Variants in MED13L observed in about 807,000 individuals in gnomAD.
MED13L encodes mediator complex subunit 13L.
In MED13L, 7 loss-of-function variants were observed where a neutral mutation model predicts 220.9. The observed-to-expected ratio is 0.03, with a 90% CI of 0.02 to 0.06. The LOEUF is 0.06. Among genes scored for constraint, MED13L ranks in the 10% least tolerant of loss-of-function variants. The pLI is 1.00. For synonymous variants in MED13L, 1,011 were observed against 1,015.2 expected (o/e 1.00, Z 0.08); for missense variants, 1,965 against 2,760.5 (o/e 0.71, Z 6.46).
intron 4 of MED13L, among the ~76,000 whole-genome samples, chr12:116,092,868 G>C (rs1390739674): frequency 6.6e-6 from 1 of 152,086 alleles, no homozygotes; most frequent in East Asian, 1.9e-4. Context: ...CCCAAGAACA[G>C]AGTAGATTTG....
At chr12:116,190,341 T>G (rs991554295) in intron 2 of MED13L, among the ~76,000 whole-genome samples, 1 of 152,332 alleles carries the variant, frequency 6.6e-6, no homozygotes, top group East Asian at 1.9e-4. Context: ...TATGGATTAT[T>G]ATGTTTGATG....
chr12:116,150,026 G>C (rs765546559), intron 2 of MED13L, among the ~76,000 whole-genome samples: 5 of 152,080 alleles, frequency 3.3e-5, no homozygotes, highest in Non-Finnish European at 7.4e-5. Flanking sequence ...TCTGGAAGTG[G>C]ATCAAATACA....
chr12:116,063,404 G>A (rs957087925), intron 4 of MED13L, among the ~76,000 whole-genome samples: 1 of 152,198 alleles, frequency 6.6e-6, no homozygotes, highest in Non-Finnish European at 1.5e-5. Context: ...TCTAGTCCCA[G>A]CCACTTGGGT....
rs757242736 is a variant in MED13L at position 115,960,895 on chromosome 12, C to T, written c.*371G>A. 5 of 332,556 alleles carry T rather than the reference C, an allele frequency of 1.5e-5. No homozygotes were observed. Among genetic ancestry groups the T allele is most frequent in the Non-Finnish European group, 3.0e-5 (5 of 168,842 alleles). The allele number at this position is 332,556 out of a possible 1,614,324, so 20.6% of individuals were successfully genotyped here. ...GATTTCATCCAAAGGGCTAGACTGC[C>T]CTCAATTGTATACAGAGGCTGAAAA... is the stretch of plus-strand genomic sequence containing the variant. On this transcript the variant is annotated 3_prime_UTR_variant, in exon 31 of 31. Transcript: ENST00000281928.
chr12:116,032,636 T>C (rs1880922567), intron 4 of MED13L, among the ~76,000 whole-genome samples: 1 of 152,208 alleles, frequency 6.6e-6, no homozygotes, highest in Non-Finnish European at 1.5e-5. Flanking sequence ...TCTTTACTTC[T>C]TACAAGTTTT....
chr12:116,013,507 C>T (rs1879543218), intron 8 of MED13L, among the ~76,000 whole-genome samples: 1 of 152,114 alleles, frequency 6.6e-6, no homozygotes, highest in South Asian at 2.1e-4. Flanking sequence ...GTCCCATCCC[C>T]AAGATATCTC....
At chr12:116,255,057 T>C (rs979616712) in intron 1 of MED13L, among the ~76,000 whole-genome samples, 3 of 152,176 alleles carry the variant, frequency 2.0e-5, no homozygotes, top group African/African-American at 7.2e-5. Context: ...CTAAAACTTA[T>C]ATTGAAATGC....
chr12:116,161,399 A>G (rs901669450), intron 2 of MED13L, among the ~76,000 whole-genome samples: 3 of 152,168 alleles, frequency 2.0e-5, no homozygotes, highest in African/African-American at 7.2e-5. Flanking sequence ...CTTCCCAACC[A>G]CCTTCCAGTA....
intron 4 of MED13L, among the ~76,000 whole-genome samples, chr12:116,095,189 G>C (rs1253344666): frequency 6.6e-6 from 1 of 151,932 alleles, no homozygotes; most frequent in Non-Finnish European, 1.5e-5. Flanking sequence ...AAAAATAAAT[G>C]AAAGTAAAAA....
intron 2 of MED13L, among the ~76,000 whole-genome samples, chr12:116,226,032 G>C (rs17614689): frequency 0.09 from 13,451 of 150,072 alleles, 704 homozygotes; most frequent in East Asian, 0.22. Flanking sequence ...TCAACACAAA[G>C]CCACTTCATC....
intron 2 of MED13L, among the ~76,000 whole-genome samples, chr12:116,227,884 T>A (rs1451995461): frequency 2.6e-5 from 4 of 152,118 alleles, no homozygotes; most frequent in Non-Finnish European, 5.9e-5. Flanking sequence ...TGAAAACTAG[T>A]GCTTTTGAGC....
At chr12:116,050,709 G>T (rs148753220) in intron 4 of MED13L, among the ~76,000 whole-genome samples, 16 of 152,222 alleles carry the variant, frequency 1.1e-4, no homozygotes, top group African/African-American at 3.8e-4. Context: ...GGCCAAGGAG[G>T]GTGGATCACA....
At chr12:116,024,532 C>T (rs1880251593) in intron 4 of MED13L, among the ~76,000 whole-genome samples, 1 of 152,076 alleles carries the variant, frequency 6.6e-6, no homozygotes. Context: ...TATTAATCCC[C>T]TGTCAGATAT....
At chr12:116,158,974 T>C (rs1351286695) in intron 2 of MED13L, among the ~76,000 whole-genome samples, 2 of 152,134 alleles carry the variant, frequency 1.3e-5, no homozygotes, top group East Asian at 1.9e-4. Flanking sequence ...ATGTCAACAA[T>C]CAACCAATAG....
In MED13L at chr12:115,963,318, C is replaced by T. The variant is rs958688924; in HGVS notation, c.6500+89G>A. Reference sequence around the variant, plus strand: ...GCACAAACGGCAGCTTCTATGAATACCACACTTAGATTAAAACACCTTGGA... The same window carrying T: ...GCACAAACGGCAGCTTCTATGAATATCACACTTAGATTAAAACACCTTGGA... On this transcript the variant is annotated intron_variant, in intron 30 of 30. Transcript: ENST00000281928. 5.5e-6 allele frequency: 6 copies of T among 1,095,414 alleles called. No homozygotes were observed. The African/African-American group carries it at 9.3e-5, about 17-fold the overall frequency. 67.9% of individuals were successfully genotyped at this position (1,095,414 alleles called of 1,614,324 possible).
At position 116,264,019 on chromosome 12, in the gene MED13L, T is replaced by C. The variant is rs112278811; in HGVS notation, c.72+13041A>G. On this transcript the variant is annotated intron_variant, in intron 1 of 30. Coordinates refer to ENST00000281928, the MANE Select transcript of MED13L (RefSeq NM_015335.5). ...CATCCACAACGTATGTATGCCAACA[T>C]ACCCAAAATGGAGCTTTCCCTGGGC... Among the ~76,000 whole-genome samples the C allele has an allele frequency of 1.6e-3, 244 of 152,288 alleles. 1 individual carries two copies. The highest frequency in any genetic ancestry group is 2.8e-3 in the Non-Finnish European group (191 of 68,028).
chr12:116,006,862 C>A, intron 11 of MED13L: 1 of 197,916 alleles, frequency 5.1e-6, no homozygotes, highest in Non-Finnish European at 1.0e-5. Flanking sequence ...TTTCAATGGC[C>A]CATATTTTAG....
Position 116,003,047 on chromosome 12 carries a change from C to T in MED13L, c.2525G>A (p.Arg842Gln), listed in dbSNP as rs1878841496. 2.5e-6 allele frequency: 4 copies of T among 1,613,984 alleles called. No homozygotes were observed. Among genetic ancestry groups the T allele is most frequent in the East Asian group, 2.2e-5 (1 of 44,886 alleles). Residue 842 changes from arginine (R) to glutamine (Q), a missense_variant, in exon 14 of 31, where the codon CGA becomes CAA. Transcript: ENST00000281928. ...SKMPAVGTED[R>Q]PLGKDGRAAV... ...AGCTCTTCCATCCTTCCCAAGAGGT[C>T]GGTCTTCTGTCCCAACTGCAGGCAT...
chr12:116,177,340 A>C (rs61935841), intron 2 of MED13L, among the ~76,000 whole-genome samples: 9,548 of 152,292 alleles, frequency 0.063, 401 homozygotes, highest in Middle Eastern at 0.11. Context: ...TAAAGAAGCA[A>C]TCCTCAAGAC....
Sources: gnomAD v4.1 joint callset for allele counts (sites outside exome capture counted in the v4.1 genomes callset) on GRCh38, gnomAD v4.1.1 for gene constraint, MANE v1.5 for transcripts, NCBI Gene and HGNC (gene_info 2026-07-23, HGNC 2026-07-21) for gene names.